The following MGRN1 variants were observed in gnomAD, a reference collection of about 807,000 sequenced individuals.
MGRN1 encodes mahogunin ring finger 1.
A neutral mutation model predicts 69.2 loss-of-function variants in MGRN1; 29 were observed. That is an observed-to-expected ratio of 0.42 (90% CI 0.31 to 0.57). The LOEUF is 0.57. Among genes scored for constraint, MGRN1 ranks in the 20% least tolerant of loss-of-function variants. MGRN1 has a pLI of 0.15. For missense variants in MGRN1, 998 were observed against 796.2 expected, an observed-to-expected ratio of 1.25 and a Z score of -3.05; for synonymous variants, 470 against 344.2, an observed-to-expected ratio of 1.37 and a Z score of -4.04.
At chr16:4,668,235 C>A in intron 7 of MGRN1, 30 bp from the exon 8 acceptor site, 1 of 1,612,818 alleles carries the variant, frequency 6.2e-7, no homozygotes, top group Non-Finnish European at 8.5e-7. Flanking sequence ...AGCTTGACCA[C>A]CTTAACCTCT....
At chr16:4,683,203 A>C in intron 14 of MGRN1, 21 bp from the exon 15 acceptor site, 1 of 1,613,222 alleles carries the variant, frequency 6.2e-7, no homozygotes, top group East Asian at 2.2e-5. Flanking sequence ...GCTCTAGGCT[A>C]CTTTCCCCTT....
At chr16:4,680,974 G>A (rs1345974796) in intron 12 of MGRN1, among the ~76,000 whole-genome samples, 4 of 152,214 alleles carry the variant, frequency 2.6e-5, no homozygotes, top group South Asian at 2.1e-4. Flanking sequence ...TCTGACTTCC[G>A]TTCCCCAGAA....
rs866689226 is a variant in MGRN1 at position 4,650,482 on chromosome 16, A to G, written c.206A>G (p.Gln69Arg). 1.9e-6 allele frequency: 3 copies of G among 1,612,116 alleles called. No individual in the cohort carries two copies. Among genetic ancestry groups the G allele is most frequent in the Middle Eastern group, 3.3e-4 (2 of 6,054 alleles). ...AACTTCCTGGGCAGCCGCCCGGTCC[A>G]GGTGGGTCTGGACAGGGCTGTCTCA... ...DLNFLGSRPVQFPYVTPAPHE... is the reference protein window; with the variant it reads ...DLNFLGSRPVRFPYVTPAPHE... The change falls in exon 2 of 17, where the codon CAG becomes CGG. Residue 69 changes from glutamine (Q) to arginine (R), a missense_variant and splice_region_variant. Coordinates refer to ENST00000262370, the MANE Select transcript of MGRN1 (RefSeq NM_015246.4).
At chr16:4,642,113 C>G (rs759774344) in intron 1 of MGRN1, among the ~76,000 whole-genome samples, 11 of 144,152 alleles carry the variant, frequency 7.6e-5, no homozygotes, top group African/African-American at 2.6e-4. Context: ...TCCCTGTCAG[C>G]ATATGACTTG....
chr16:4,690,962 T>G lies in MGRN1; in HGVS notation c.*2054T>G, dbSNP rs1350784850. ...TTACTGTATATTTATAGTAATAAAA[T>G]CATGCAGCAATATCCTGTCTGCTCC... On this transcript the variant is annotated 3_prime_UTR_variant, in exon 17 of 17. Transcript: ENST00000262370. 6.6e-6 allele frequency: 1 copy of G among 152,362 alleles called. No homozygotes were observed. Among genetic ancestry groups the G allele is most frequent in the Non-Finnish European group, 1.5e-5 (1 of 68,024 alleles). The allele number at this position is 152,362 out of a possible 1,614,324, so 9.4% of individuals were successfully genotyped here.
intron 1 of MGRN1, among the ~76,000 whole-genome samples, chr16:4,638,616 G>A (rs2078085459): frequency 6.6e-6 from 1 of 152,218 alleles, no homozygotes; most frequent in South Asian, 2.1e-4. Flanking sequence ...AAGGCTGTGG[G>A]GCTGCCACCC....
intron 16 of MGRN1, chr16:4,687,799 A>T (rs895253998): frequency 1.7e-5 from 17 of 985,332 alleles, no homozygotes; most frequent in Non-Finnish European, 2.0e-5. Context: ...CCTTGGGTGG[A>T]CTTGAGCCGG....
At chr16:4,663,462 T>C (rs1203500236) in intron 5 of MGRN1, among the ~76,000 whole-genome samples, 1 of 151,252 alleles carries the variant, frequency 6.6e-6, no homozygotes, top group African/African-American at 2.4e-5. Context: ...CGCTGGCTTT[T>C]AGAATGCTCA....
At chr16:4,672,066 C>T (rs995916442) in intron 9 of MGRN1, among the ~76,000 whole-genome samples, 9 of 152,092 alleles carry the variant, frequency 5.9e-5, no homozygotes, top group Admixed American at 2.0e-4. Context: ...CCACCACACC[C>T]GGCTAATTTT....
chr16:4,688,900 C>G lies in MGRN1; in HGVS notation c.1723C>G (p.Pro575Ala), dbSNP rs1031730407. ...SPDPSAAELT[P>A]L is the part of the protein sequence containing the mutation. ...CGATCCCAGCGCCGCCGAGCTGACCCCACTCTGAGAGCCTGGCCGAGCTGG... is the reference window on the plus strand; with the variant it reads ...CGATCCCAGCGCCGCCGAGCTGACCGCACTCTGAGAGCCTGGCCGAGCTGG... Residue 575 changes from proline to alanine, a missense_variant, in exon 17 of 17, where the codon CCA (proline) becomes GCA (alanine). Physicochemically the swap from Pro to Ala is conservative, Grantham distance 27. Coordinates refer to ENST00000262370, the MANE Select transcript of MGRN1 (RefSeq NM_015246.4). The G allele has an allele frequency of 1.0e-5, 16 of 1,544,460 alleles. No homozygotes were observed. The African/African-American group carries it at 2.1e-4, about 20-fold the overall frequency.
At position 4,678,817 on chromosome 16, in the gene MGRN1, G is replaced by A. The variant is rs568530839; in HGVS notation, c.1066-1215G>A. 1.4e-4 allele frequency among the ~76,000 whole-genome samples: 22 copies of A among 152,374 alleles called. No individual in the cohort carries two copies. In the South Asian group the frequency reaches 4.6e-3, roughly 32 times the overall value. On this transcript the variant is annotated intron_variant, in intron 11 of 16. Transcript: ENST00000262370. ...CAGAAAAGAGGAGCAGAGCCCTGAGGACTGGCGTTCACAGACAGCGCCTTT... is the reference window on the plus strand; with the variant it reads ...CAGAAAAGAGGAGCAGAGCCCTGAGAACTGGCGTTCACAGACAGCGCCTTT...
chr16:4,671,922 T>G (rs925702769), intron 9 of MGRN1, among the ~76,000 whole-genome samples: 2 of 152,224 alleles, frequency 1.3e-5, no homozygotes, highest in Non-Finnish European at 2.9e-5. Flanking sequence ...TGTTTTTGTT[T>G]TTTGAGTCAG....
In MGRN1 at chr16:4,670,631, G is replaced by A. The variant is rs142628481; in HGVS notation, c.727-760G>A. Among the ~76,000 whole-genome samples the A allele has an allele frequency of 9.0e-3, 1,364 of 152,354 alleles. 16 individuals are homozygous for A. The highest frequency in any genetic ancestry group is 0.014 in the Non-Finnish European group (960 of 68,026). ...GCACTATGGGAGGTGGAGGCAGGAGGATTGCTTGAGCCTGGGGATTCCAGA... is the reference window on the plus strand; with the variant it reads ...GCACTATGGGAGGTGGAGGCAGGAGAATTGCTTGAGCCTGGGGATTCCAGA... On this transcript the variant is annotated intron_variant, in intron 8 of 16. Transcript: ENST00000262370.
intron 4 of MGRN1, among the ~76,000 whole-genome samples, chr16:4,656,527 C>T (rs568811777): frequency 7.2e-5 from 11 of 152,268 alleles, no homozygotes; most frequent in Admixed American, 2.0e-4. Context: ...TGGGAGCAGG[C>T]GTGAGGGTTG....
chr16:4,680,800 T>TTTCTCCCCCAC (rs2079165835), intron 12 of MGRN1: 2 of 151,638 alleles, frequency 1.3e-5, no homozygotes, highest in Non-Finnish European at 2.9e-5. Context: ...CGCTCCCCCA[T>TTTCTCCCCCAC]TTCTCCCCCA....
chr16:4,632,630 T>G (rs8050998), intron 1 of MGRN1, among the ~76,000 whole-genome samples: 38,388 of 151,984 alleles, frequency 0.25, 5,878 homozygotes, highest in African/African-American at 0.43. Flanking sequence ...TCCTGACCTC[T>G]TGATCCGCCC....
intron 5 of MGRN1, among the ~76,000 whole-genome samples, chr16:4,659,824 C>T (rs1211101108): frequency 6.7e-6 from 1 of 149,342 alleles, no homozygotes; most frequent in Non-Finnish European, 1.5e-5. Context: ...GGCTGGGTGG[C>T]CTGAGATTTC....
intron 1 of MGRN1, among the ~76,000 whole-genome samples, chr16:4,648,895 C>T (rs2078340195): frequency 6.6e-6 from 1 of 150,738 alleles, no homozygotes; most frequent in African/African-American, 2.5e-5. Flanking sequence ...CCCGTGGTCA[C>T]CCGGCTCCTC....
rs1024514311 is a variant in MGRN1 at position 4,627,897 on chromosome 16, C to T, written c.88+2849C>T. 7.9e-5 allele frequency among the ~76,000 whole-genome samples: 11 copies of T among 138,748 alleles called. No individual in the cohort carries two copies. The East Asian group carries it at 8.7e-4, about 11-fold the overall frequency. The allele number at this position is 138,748 out of a possible 152,430, so 91.0% of individuals were successfully genotyped here. ...AGATCAAGACCATCCTGGCTAACAC[C>T]GTGAAACCCCATCTCTACCAAAAAT... On this transcript the variant is annotated intron_variant, in intron 1 of 16. Transcript: ENST00000262370.
Sources: gnomAD v4.1 joint callset for allele counts (sites outside exome capture counted in the v4.1 genomes callset) on GRCh38, gnomAD v4.1.1 for gene constraint, MANE v1.5 for transcripts, NCBI Gene and HGNC (gene_info 2026-07-23, HGNC 2026-07-21) for gene names.